The following SCRN1 variants were observed in gnomAD, a reference collection of about 807,000 sequenced individuals.
The protein encoded by SCRN1 is secernin-1.
A neutral mutation model predicts 43.3 loss-of-function variants in SCRN1; 19 were observed. The ratio of observed to expected loss-of-function variants is 0.44; its 90% CI spans 0.31 to 0.64. SCRN1 has a LOEUF of 0.64. Among genes scored for constraint, SCRN1 ranks in the 30% least tolerant of loss-of-function variants. SCRN1 has a pLI of 0.09. For synonymous variants in SCRN1, 183 were observed against 188.9 expected, an observed-to-expected ratio of 0.97 and a Z score of 0.26; for missense variants, 447 against 524.1, an observed-to-expected ratio of 0.85 and a Z score of 1.44.
intron 3 of SCRN1, chr7:29,947,327 A>G: frequency 6.4e-7 from 1 of 1,550,668 alleles, no homozygotes; most frequent in Non-Finnish European, 8.7e-7. Flanking sequence ...CATCTCACTG[A>G]GAAAGATGGG....
rs1168428794 is a variant in SCRN1 at position 29,955,161 on chromosome 7, A to T, written c.341+18T>A. 1 of 1,595,396 alleles carries T rather than the reference A, an allele frequency of 6.3e-7. No homozygotes were observed. Reference sequence around the variant, plus strand: ...AACCTTTTCTAGGAAGTTGTTTCAAAGAATCACCATGCAGTACCTGACCAG... The same window carrying T: ...AACCTTTTCTAGGAAGTTGTTTCAATGAATCACCATGCAGTACCTGACCAG... On this transcript the variant is annotated intron_variant, in intron 3 of 7. Coordinates refer to ENST00000242059, the MANE Select transcript of SCRN1 (RefSeq NM_014766.5).
chr7:29,930,384 T>C (rs931030742), intron 6 of SCRN1, among the ~76,000 whole-genome samples: 3 of 152,308 alleles, frequency 2.0e-5, no homozygotes, highest in African/African-American at 7.2e-5. Flanking sequence ...TATCAATCTT[T>C]ACAGAAAATC....
chr7:29,950,981 A>T lies in SCRN1; in HGVS notation c.341+4198T>A, dbSNP rs1377942765. ...CAAATGGTGGGACTGAAAGAGCTAT[A>T]ACACAAACAGTGCTGAAGCACACCC... On this transcript the variant is annotated intron_variant, in intron 3 of 7. Coordinates refer to ENST00000242059, the MANE Select transcript of SCRN1 (RefSeq NM_014766.5). This position sits in a 1 kb window ranked among gnomAD's most constrained non-coding sequence, Gnocchi z 4.5. 6.6e-6 allele frequency among the ~76,000 whole-genome samples: 1 copy of T among 152,238 alleles called. No homozygotes were observed. Among genetic ancestry groups the T allele is most frequent in the Non-Finnish European group, 1.5e-5 (1 of 68,048 alleles).
intron 6 of SCRN1, among the ~76,000 whole-genome samples, chr7:29,932,279 T>C (rs1209631480): frequency 6.6e-6 from 1 of 152,172 alleles, no homozygotes; most frequent in African/African-American, 2.4e-5. Context: ...GCTGCATGAG[T>C]CATGCTGACC....
At chr7:29,973,584 CA>C (rs1788726321) in intron 1 of SCRN1, among the ~76,000 whole-genome samples, 1 of 152,204 alleles carries the variant, frequency 6.6e-6, no homozygotes, top group Non-Finnish European at 1.5e-5. Flanking sequence ...GGCAGGTCCA[CA>C]CTGAGCCTTG....
At chr7:29,951,408 T>C (rs1054428635) in intron 3 of SCRN1, among the ~76,000 whole-genome samples, 1 of 152,126 alleles carries the variant, frequency 6.6e-6, no homozygotes, top group Non-Finnish European at 1.5e-5. Flanking sequence ...CAGGGCCAAG[T>C]GGTGGAACAA....
intron 1 of SCRN1, chr7:29,989,293 G>T (rs1361836909): frequency 6.6e-6 from 1 of 152,602 alleles, no homozygotes; most frequent in Non-Finnish European, 1.5e-5. Flanking sequence ...GGGCCCACAG[G>T]CACATCCCAG....
chr7:29,938,019 G>GT (rs1787398666), intron 5 of SCRN1, among the ~76,000 whole-genome samples: 1 of 151,934 alleles, frequency 6.6e-6, no homozygotes, highest in Non-Finnish European at 1.5e-5. Context: ...TCTGCCTCTT[G>GT]TTTTTTCCCC....
At chr7:29,961,559 T>C (rs1583681454) in intron 2 of SCRN1, among the ~76,000 whole-genome samples, 1 of 151,336 alleles carries the variant, frequency 6.6e-6, no homozygotes, top group East Asian at 2.0e-4. Context: ...ATTGTCATCC[T>C]GGCCCGTTCT....
intron 1 of SCRN1, among the ~76,000 whole-genome samples, chr7:29,975,568 G>A (rs1788801838): frequency 6.6e-6 from 1 of 152,112 alleles, no homozygotes; most frequent in East Asian, 1.9e-4. Context: ...ATACAGTAAG[G>A]GTAAGTACTA....
chr7:29,985,506 C>T (rs1009974178), intron 1 of SCRN1, among the ~76,000 whole-genome samples: 1 of 152,052 alleles, frequency 6.6e-6, no homozygotes, highest in African/African-American at 2.4e-5. Flanking sequence ...GAGCTAGGTC[C>T]CAGGTCCCCT....
chr7:29,984,047 A>G (rs1274486684), intron 1 of SCRN1, among the ~76,000 whole-genome samples: 1 of 152,110 alleles, frequency 6.6e-6, no homozygotes, highest in Non-Finnish European at 1.5e-5. Context: ...CTCTACTAAA[A>G]ATACAAAAAT....
At chr7:29,945,603 T>C (rs1300097691) in intron 3 of SCRN1, among the ~76,000 whole-genome samples, 1 of 152,182 alleles carries the variant, frequency 6.6e-6, no homozygotes, top group Non-Finnish European at 1.5e-5. Flanking sequence ...AAGTGGTCAG[T>C]AAATTTCTGG....
At chr7:29,932,205 C>T (rs986207729) in intron 6 of SCRN1, among the ~76,000 whole-genome samples, 2 of 152,110 alleles carry the variant, frequency 1.3e-5, no homozygotes, top group Non-Finnish European at 2.9e-5. Flanking sequence ...GGGGTAGGCA[C>T]CATGTTGCCT....
At chr7:29,929,506 G>A (rs550251797) in intron 6 of SCRN1, among the ~76,000 whole-genome samples, 23 of 152,304 alleles carry the variant, frequency 1.5e-4, no homozygotes, top group South Asian at 6.2e-4. Context: ...CCCTTACTGC[G>A]CATCTCAGGA....
chr7:29,956,925 T>G (rs1393319523), intron 2 of SCRN1, among the ~76,000 whole-genome samples: 2 of 152,192 alleles, frequency 1.3e-5, no homozygotes, highest in South Asian at 4.1e-4. Context: ...CTAAATGGAA[T>G]TGACGTTTAC....
chr7:29,924,080 C>CT lies in SCRN1; in HGVS notation c.1121dup (p.Leu375AlafsTer30). The CT allele has an allele frequency of 1.2e-6, 2 of 1,613,966 alleles. No individual in the cohort carries two copies. Among genetic ancestry groups the CT allele is most frequent in the Non-Finnish European group, 1.7e-6 (2 of 1,179,962 alleles). ...TGGCTTCCAGGCCTTGCTTCTCCAG[C>CT]TCCAGCATGGTGCTCCTCAGCTTGC... On this transcript the variant is annotated frameshift_variant, in exon 8 of 8. Transcript: ENST00000242059. LOFTEE classifies it high-confidence loss of function.
Position 29,921,521 on chromosome 7 carries a change from C to T in SCRN1, c.*2436G>A, listed in dbSNP as rs1194373346. The T allele has an allele frequency of 6.6e-6, 1 of 152,240 alleles. No individual in the cohort carries two copies. The highest frequency in any genetic ancestry group is 1.9e-4 in the East Asian group (1 of 5,194). 9.4% of individuals were successfully genotyped at this position (152,240 alleles called of 1,614,324 possible). ...TCTCTTGTCGTCTTTCTCCACCCATCCCAATGCACAACTGTCAACTGTGCT... is the reference window on the plus strand; with the variant it reads ...TCTCTTGTCGTCTTTCTCCACCCATTCCAATGCACAACTGTCAACTGTGCT... On this transcript the variant is annotated 3_prime_UTR_variant, in exon 8 of 8. Coordinates refer to ENST00000242059, the MANE Select transcript of SCRN1 (RefSeq NM_014766.5).
rs55733700 is a variant in SCRN1 at position 29,984,204 on chromosome 7, CAAAAAAAAAAAAAAA to C, written c.-2+5423_-2+5437del. Among the ~76,000 whole-genome samples, 201 of 98,266 alleles carry C rather than the reference CAAAAAAAAAAAAAAA, an allele frequency of 2.0e-3. 1 individual carries two copies. The highest frequency in any genetic ancestry group is 7.2e-3 in the African/African-American group (194 of 26,784). The allele number at this position is 98,266 out of a possible 152,430, so 64.5% of individuals were successfully genotyped here. ...CTGGGCGACAGAGTGAGACAGTCTC[CAAAAAAAAAAAAAAA>C]AAAAAAGAAATCTGTTGAGATCCCC... is the stretch of plus-strand genomic sequence containing the variant. On this transcript the variant is annotated intron_variant, in intron 1 of 7. Coordinates refer to ENST00000242059, the MANE Select transcript of SCRN1 (RefSeq NM_014766.5).
Sources: allele counts gnomAD v4.1 joint callset (sites outside exome capture counted in the v4.1 genomes callset), GRCh38; gene constraint gnomAD v4.1.1; non-coding constraint Gnocchi (gnomAD v3.1); transcripts MANE v1.5; gene names NCBI Gene and HGNC (gene_info 2026-07-23, HGNC 2026-07-21).